SLC15A1: variants seen among roughly 807,000 people sequenced by gnomAD.
SLC15A1 encodes the protein solute carrier family 15 member 1.
In SLC15A1, 83 loss-of-function variants were observed where a neutral mutation model predicts 92.9. The ratio of observed to expected loss-of-function variants is 0.89; its 90% CI spans 0.75 to 1.07. SLC15A1 has a LOEUF of 1.07. Ranked by LOEUF, SLC15A1 falls within the 50% of genes least tolerant of loss-of-function variation. SLC15A1 has a pLI of 0.00. For missense variants in SLC15A1, 857 were observed against 880.1 expected (o/e 0.97, Z 0.33); for synonymous variants, 322 against 318.2 (o/e 1.01, Z -0.13).
At chr13:98,718,753 G>T (rs1363705428) in intron 8 of SLC15A1, among the ~76,000 whole-genome samples, 1 of 152,196 alleles carries the variant, frequency 6.6e-6, no homozygotes, top group Non-Finnish European at 1.5e-5. Flanking sequence ...AGGTTGCAGT[G>T]AGCTGAAATC....
At chr13:98,751,565 G>A (rs1172659606) in intron 1 of SLC15A1, among the ~76,000 whole-genome samples, 4 of 152,226 alleles carry the variant, frequency 2.6e-5, no homozygotes, top group Non-Finnish European at 4.4e-5. Context: ...CACAGTCTCC[G>A]CCAGAGAGGG....
At chr13:98,706,404 A>G (rs2088113127) in intron 15 of SLC15A1, 151 bp from the exon 16 acceptor site, 3 of 776,740 alleles carry the variant, frequency 3.9e-6, no homozygotes, top group Admixed American at 2.9e-5. Flanking sequence ...CCAATCACAG[A>G]CCTCGTGGCA....
chr13:98,714,555 C>T lies in SLC15A1; in HGVS notation c.723+1323G>A, dbSNP rs1489675108. Among the ~76,000 whole-genome samples the T allele has an allele frequency of 6.9e-5, 10 of 145,800 alleles. No individual in the cohort carries two copies. The East Asian group carries it at 1.8e-3, about 27-fold the overall frequency. On this transcript the variant is annotated intron_variant, in intron 9 of 22. Coordinates refer to ENST00000376503, the MANE Select transcript of SLC15A1 (RefSeq NM_005073.4). ...TTATAGTCCCAGCTACTTGGTAGGC[C>T]GAGGCAGGAGAATCGCTTGAACTGG...
chr13:98,746,818 G>A (rs542633432), intron 1 of SLC15A1, among the ~76,000 whole-genome samples: 1 of 152,204 alleles, frequency 6.6e-6, no homozygotes, highest in South Asian at 2.1e-4. Context: ...ACCCCTTTCC[G>A]CAGCCCGGTG....
chr13:98,707,988 A>T (rs894281754), intron 15 of SLC15A1, among the ~76,000 whole-genome samples: 1 of 149,724 alleles, frequency 6.7e-6, no homozygotes, highest in African/African-American at 2.5e-5. Flanking sequence ...AAATTTAAAG[A>T]TATTAAAAGA....
In SLC15A1 at chr13:98,688,265, A is replaced by G; in HGVS notation, c.1666T>C (p.Tyr556His). ...FYLEFGSAYT[Y>H]IVQRKNDSCP... is the part of the protein sequence containing the mutation. ...TTACTAACCTTCCTTTGGACTATAT[A>G]GGTATAAGCACTACCAAATTCAAGG... The change falls in exon 20 of 23, where the codon TAT becomes CAT. Residue 556 changes from tyrosine to histidine, a missense_variant. By Grantham distance (83) the Tyr-to-His change is moderately conservative (BLOSUM62 2). Coordinates refer to ENST00000376503, the MANE Select transcript of SLC15A1 (RefSeq NM_005073.4). The G allele has an allele frequency of 1.2e-6, 2 of 1,611,378 alleles. No homozygotes were observed. Among genetic ancestry groups the G allele is most frequent in the East Asian group, 2.2e-5 (1 of 44,816 alleles).
At chr13:98,749,309 G>A (rs2088522155) in intron 1 of SLC15A1, among the ~76,000 whole-genome samples, 1 of 152,236 alleles carries the variant, frequency 6.6e-6, no homozygotes, top group Admixed American at 6.5e-5. Context: ...CAGCCAGGAG[G>A]CTGAGATCTG....
At chr13:98,733,185 C>T (rs529042631) in intron 1 of SLC15A1, among the ~76,000 whole-genome samples, 2 of 152,134 alleles carry the variant, frequency 1.3e-5, no homozygotes, top group South Asian at 4.2e-4. Flanking sequence ...GATTTTAGCC[C>T]GGTAAAATTC....
chr13:98,705,155 C>T (rs1297563038), intron 16 of SLC15A1, among the ~76,000 whole-genome samples: 2 of 149,076 alleles, frequency 1.3e-5, no homozygotes, highest in African/African-American at 2.5e-5. Flanking sequence ...GCCAAGATAG[C>T]GCCACTGCAC....
At chr13:98,700,484 CAAAAAAAAA>C (rs56342746) in intron 18 of SLC15A1, among the ~76,000 whole-genome samples, 1 of 50,914 alleles carries the variant, frequency 2.0e-5, no homozygotes, top group African/African-American at 9.3e-5. Flanking sequence ...GACCCTGTCT[CAAAAAAAAA>C]AAAAAAAAAA....
chr13:98,704,708 A>G (rs764797944), intron 16 of SLC15A1, among the ~76,000 whole-genome samples: 1 of 152,220 alleles, frequency 6.6e-6, no homozygotes, highest in Non-Finnish European at 1.5e-5. Flanking sequence ...AAATACTATG[A>G]GAATAATTTC....
At chr13:98,732,463 TG>T (rs899758987) in intron 1 of SLC15A1, among the ~76,000 whole-genome samples, 3 of 151,704 alleles carry the variant, frequency 2.0e-5, no homozygotes, top group Non-Finnish European at 2.9e-5. Context: ...ACTTGGGGGT[TG>T]GGGGGGACAG....
chr13:98,702,427 C>A, intron 18 of SLC15A1, 53 bp downstream of exon 18: 1 of 1,140,342 alleles, frequency 8.8e-7, no homozygotes, highest in South Asian at 1.2e-5. Context: ...TATGGGTATG[C>A]ATTACTTTCA....
intron 18 of SLC15A1, among the ~76,000 whole-genome samples, chr13:98,697,894 A>G (rs2088036154): frequency 6.6e-6 from 1 of 152,228 alleles, no homozygotes; most frequent in Non-Finnish European, 1.5e-5. Flanking sequence ...CAGCAGGACG[A>G]CAGAGCCAGT....
intron 21 of SLC15A1, 83 bp downstream of exon 21, chr13:98,687,498 T>C (rs911619628): frequency 2.1e-5 from 32 of 1,489,818 alleles, no homozygotes; most frequent in African/African-American, 2.8e-5. Flanking sequence ...AATATAGTTA[T>C]CCCAGATTTA....
intron 1 of SLC15A1, among the ~76,000 whole-genome samples, chr13:98,727,884 G>A (rs1037449336): frequency 2.6e-5 from 4 of 152,174 alleles, no homozygotes; most frequent in African/African-American, 9.7e-5. Flanking sequence ...ACCTCCATTA[G>A]GAATCTAGGA....
intron 1 of SLC15A1, among the ~76,000 whole-genome samples, chr13:98,738,917 C>T (rs528393345): frequency 2.0e-5 from 3 of 152,356 alleles, no homozygotes; most frequent in Non-Finnish European, 4.4e-5. Context: ...AGGCACTCAA[C>T]AACATGTGAG....
intron 15 of SLC15A1, among the ~76,000 whole-genome samples, chr13:98,707,098 C>T (rs1258903257): frequency 6.6e-6 from 1 of 152,162 alleles, no homozygotes; most frequent in Non-Finnish European, 1.5e-5. Flanking sequence ...TTCTACAATG[C>T]CCTCTTTCAA....
intron 18 of SLC15A1, among the ~76,000 whole-genome samples, chr13:98,699,877 G>A (rs1272685198): frequency 6.6e-6 from 1 of 152,084 alleles, no homozygotes; most frequent in African/African-American, 2.4e-5. Context: ...CAATGCTATT[G>A]TTCATGTGCT....
Sources: allele counts gnomAD v4.1 joint callset (sites outside exome capture counted in the v4.1 genomes callset), GRCh38; gene constraint gnomAD v4.1.1; transcripts MANE v1.5; gene names NCBI Gene and HGNC (gene_info 2026-07-23, HGNC 2026-07-21).